Variants in CAST observed in about 807,000 individuals in gnomAD.
The protein encoded by CAST is MIR583 host.
Under a neutral mutation model 119.6 loss-of-function variants are expected in CAST, and 76 were observed. That is an observed-to-expected ratio of 0.64 (90% CI 0.53 to 0.77). The LOEUF (loss-of-function observed/expected upper bound fraction) is 0.77. CAST is among the 30% of genes least tolerant of loss of function. The pLI is 0.00. For synonymous variants in CAST, 319 were observed against 331.6 expected, an observed-to-expected ratio of 0.96 and a Z score of 0.41; for missense variants, 953 against 946.5, an observed-to-expected ratio of 1.01 and a Z score of -0.09.
intron 1 of CAST, among the ~76,000 whole-genome samples, chr5:96,533,234 CAT>C (rs1745723416): frequency 6.6e-6 from 1 of 151,946 alleles, no homozygotes; most frequent in African/African-American, 2.4e-5. Context: ...AATTTACTAA[CAT>C]ATAAATTTTG....
chr5:96,090,424 G>T, the CAST span, among the ~76,000 whole-genome samples: 18 of 151,530 alleles, frequency 1.2e-4, no homozygotes, highest in Admixed American at 1.0e-3. Flanking sequence ...CCACTGAGCT[G>T]GCAGCATCCT....
intron 1 of CAST, chr5:96,546,568 G>GTT: frequency 1.4e-5 from 2 of 146,984 alleles, no homozygotes; most frequent in African/African-American, 2.5e-5. Flanking sequence ...AAAAAAAAGT[G>GTT]CTCCAAAATC....
chr5:96,280,164 T>A, the CAST span, among the ~76,000 whole-genome samples: 10 of 152,214 alleles, frequency 6.6e-5, no homozygotes, highest in African/African-American at 1.7e-4. Flanking sequence ...CAAGAGGTGA[T>A]CTCGTATTGG....
rs1748663506 is a variant in CAST at position 96,662,446 on chromosome 5, C to T, written c.24C>T (p.Pro8=). The change falls in exon 1 of 32, where the codon CCC becomes CCT. Residue 8 remains proline (P), a synonymous_variant. Transcript: ENST00000675179. The part of the protein sequence containing the change: MSQPGQK[P]AASPRPRRAA... ...CCATGTCCCAGCCCGGCCAGAAGCCCGCCGCCTCCCCGCGGCCCCGGCGAG... is the reference window on the plus strand; with the variant it reads ...CCATGTCCCAGCCCGGCCAGAAGCCTGCCGCCTCCCCGCGGCCCCGGCGAG... 2 of 1,440,348 alleles carry T rather than the reference C, an allele frequency of 1.4e-6. No homozygotes were observed. Among genetic ancestry groups the T allele is most frequent in the Admixed American group, 2.6e-5 (1 of 38,512 alleles). 89.2% of individuals were successfully genotyped at this position (1,440,348 alleles called of 1,614,324 possible). A position where few individuals can be genotyped will look rare whatever the true frequency, so the allele number is the denominator to read the frequency against.
At chr5:96,048,701 T>G in the CAST span, among the ~76,000 whole-genome samples, 2 of 151,978 alleles carry the variant, frequency 1.3e-5, no homozygotes, top group Non-Finnish European at 2.9e-5. Flanking sequence ...ATGTCCCAAA[T>G]ATGTCAGAAC....
chr5:96,412,752 G>GTTTTTTTTTTGTTGTTTT, the CAST span, among the ~76,000 whole-genome samples: 5 of 71,830 alleles, frequency 7.0e-5, no homozygotes, highest in African/African-American at 3.6e-4. Context: ...CAGCTGTGAT[G>GTTTTTTTTTTGTTGTTTT]TTTTTTTTTT....
chr5:96,650,224 C>T (rs1014194883), intron 1 of CAST, among the ~76,000 whole-genome samples: 5 of 152,092 alleles, frequency 3.3e-5, no homozygotes, highest in African/African-American at 1.2e-4. Context: ...ACTAGAAGTA[C>T]GAGGGATGAG....
At chr5:96,298,126 A>T in the CAST span, among the ~76,000 whole-genome samples, 366 of 152,340 alleles carry the variant, frequency 2.4e-3, 1 homozygote, top group African/African-American at 8.5e-3. Flanking sequence ...CTAGGCCCAC[A>T]GGAATCTTAC....
the CAST span, among the ~76,000 whole-genome samples, chr5:96,204,637 C>T: frequency 6.6e-6 from 1 of 152,046 alleles, no homozygotes; most frequent in Middle Eastern, 3.2e-3. Flanking sequence ...AAAGGGACTG[C>T]TGCTCACCCT....
chr5:96,356,512 A>T, the CAST span, among the ~76,000 whole-genome samples: 1 of 152,146 alleles, frequency 6.6e-6, no homozygotes, highest in Non-Finnish European at 1.5e-5. Context: ...TTTTTGCATA[A>T]GGTGTAAGGA....
the CAST span, among the ~76,000 whole-genome samples, chr5:96,095,556 CAAAAAAAAAAAAAAAAA>C: frequency 4.9e-4 from 28 of 57,544 alleles, no homozygotes; most frequent in South Asian, 9.9e-3. Flanking sequence ...GACTCTGTTT[CAAAAAAAAAAAAAAAAA>C]AAAAAAAAAA....
chr5:96,562,673 A>T (rs1043797148), intron 1 of CAST, among the ~76,000 whole-genome samples: 2 of 152,244 alleles, frequency 1.3e-5, no homozygotes, highest in African/African-American at 4.8e-5. Context: ...GAAATGACAT[A>T]TGGGCAAGGA....
At chr5:96,733,921 CTGCAGGA>C (rs1425323694) in intron 9 of CAST, among the ~76,000 whole-genome samples, 1 of 152,088 alleles carries the variant, frequency 6.6e-6, no homozygotes, top group Non-Finnish European at 1.5e-5. Flanking sequence ...ATGGTTGGTT[CTGCAGGA>C]TGCACTAGCT....
At chr5:96,022,655 C>T in the CAST span, among the ~76,000 whole-genome samples, 98 of 152,292 alleles carry the variant, frequency 6.4e-4, no homozygotes, top group Non-Finnish European at 1.1e-3. Flanking sequence ...CTGTGTCAGT[C>T]AGGGTTCTTC....
At chr5:96,515,262 T>C in the CAST span, among the ~76,000 whole-genome samples, 2 of 148,734 alleles carry the variant, frequency 1.3e-5, no homozygotes, top group African/African-American at 4.9e-5. Flanking sequence ...TTGGTAGTCC[T>C]GGGGATGAAA....
the CAST span, among the ~76,000 whole-genome samples, chr5:96,232,418 A>G: frequency 0.56 from 85,228 of 151,882 alleles, 25,400 homozygotes; most frequent in Non-Finnish European, 0.66. Context: ...AAAACAAATA[A>G]CATTGTCCTT....
the CAST span, among the ~76,000 whole-genome samples, chr5:96,196,426 A>G: frequency 1.3e-5 from 2 of 152,222 alleles, no homozygotes; most frequent in African/African-American, 2.4e-5. Flanking sequence ...TGCTGAGTAA[A>G]TAAGATCCCT....
At chr5:96,117,646 A>T in the CAST span, among the ~76,000 whole-genome samples, 19 of 152,184 alleles carry the variant, frequency 1.2e-4, no homozygotes, top group Admixed American at 4.6e-4. Context: ...AGTTAACTGG[A>T]TAGAATAAGG....
At chr5:96,538,249 T>C (rs549865428) in intron 1 of CAST, among the ~76,000 whole-genome samples, 60 of 152,322 alleles carry the variant, frequency 3.9e-4, no homozygotes, top group Middle Eastern at 3.4e-3. Flanking sequence ...TTTAAAGGGA[T>C]ACAATTACCA....
Sources: gnomAD v4.1 joint callset for allele counts (sites outside exome capture counted in the v4.1 genomes callset) on GRCh38, gnomAD v4.1.1 for gene constraint, MANE v1.5 for transcripts, NCBI Gene and HGNC (gene_info 2026-07-23, HGNC 2026-07-21) for gene names.